Variants in AKAP6 observed in about 807,000 individuals in gnomAD.
AKAP6 encodes the protein A-kinase anchoring protein 6.
In AKAP6, 58 loss-of-function variants were observed where a neutral mutation model predicts 188.5. That is an observed-to-expected ratio of 0.31 (90% CI 0.25 to 0.38). The LOEUF is 0.38. Among genes scored for constraint, AKAP6 ranks in the 10% least tolerant of loss-of-function variants. The pLI is 1.00. For missense variants in AKAP6, 2,710 were observed against 2,740.0 expected (o/e 0.99, Z 0.24); for synonymous variants, 989 against 998.6 (o/e 0.99, Z 0.18).
chr14:32,448,024 T>C (rs1295063815), intron 2 of AKAP6, among the ~76,000 whole-genome samples: 1 of 152,226 alleles, frequency 6.6e-6, no homozygotes, highest in Admixed American at 6.5e-5. Context: ...AAAGGTCCTT[T>C]TTCAGGGAAG....
chr14:32,553,549 TACTC>T (rs1327159141), intron 4 of AKAP6, among the ~76,000 whole-genome samples: 1 of 152,170 alleles, frequency 6.6e-6, no homozygotes, highest in African/African-American at 2.4e-5. Flanking sequence ...CATTTAAAAA[TACTC>T]AGTAAATCCC....
At chr14:32,610,174 A>G (rs927822345) in intron 7 of AKAP6, among the ~76,000 whole-genome samples, 1 of 152,104 alleles carries the variant, frequency 6.6e-6, no homozygotes, top group Non-Finnish European at 1.5e-5. Context: ...TTTACTGACA[A>G]AAAAACTTAG....
intron 12 of AKAP6, among the ~76,000 whole-genome samples, chr14:32,789,906 G>A (rs543351430): frequency 6.6e-6 from 1 of 152,260 alleles, no homozygotes; most frequent in South Asian, 2.1e-4. Context: ...TCAGGAGGTG[G>A]GTAATAATGA....
chr14:32,795,344 T>C (rs1001764670), intron 12 of AKAP6, among the ~76,000 whole-genome samples: 1 of 152,100 alleles, frequency 6.6e-6, no homozygotes, highest in Non-Finnish European at 1.5e-5. Flanking sequence ...AAAGAAAACT[T>C]CAGGCTAATA....
At chr14:32,475,678 CT>C (rs11156748) in intron 2 of AKAP6, among the ~76,000 whole-genome samples, 51,501 of 123,146 alleles carry the variant, frequency 0.42, 10,054 homozygotes, top group African/African-American at 0.63. Context: ...ATTTTCAGCT[CT>C]TTTTTTTTTT....
At chr14:32,700,788 A>G (rs2139713020) in intron 9 of AKAP6, among the ~76,000 whole-genome samples, 1 of 152,282 alleles carries the variant, frequency 6.6e-6, no homozygotes, top group East Asian at 1.9e-4. Flanking sequence ...CACAGTGACA[A>G]AATCATGAAA....
intron 1 of AKAP6, chr14:32,385,159 G>C (rs1159453669): frequency 1.3e-5 from 2 of 151,126 alleles, no homozygotes; most frequent in Admixed American, 6.6e-5. Flanking sequence ...AAAAAAAAAG[G>C]GTAGATGTAA....
intron 7 of AKAP6, among the ~76,000 whole-genome samples, chr14:32,622,685 T>C (rs1473710683): frequency 6.6e-6 from 1 of 152,148 alleles, no homozygotes; most frequent in Non-Finnish European, 1.5e-5. Flanking sequence ...TAAACTCATA[T>C]AGTTGCTGTC....
At chr14:32,490,589 AT>A (rs1486938500) in intron 2 of AKAP6, among the ~76,000 whole-genome samples, 1 of 151,916 alleles carries the variant, frequency 6.6e-6, no homozygotes, top group Non-Finnish European at 1.5e-5. Flanking sequence ...GAAAGCCTAA[AT>A]TTTTACCAGG....
In AKAP6 at chr14:32,551,972, C is replaced by T. The variant is rs555136516; in HGVS notation, c.2346+4973C>T. Among the ~76,000 whole-genome samples the T allele has an allele frequency of 5.3e-5, 8 of 152,122 alleles. No individual in the cohort carries two copies. The East Asian group carries it at 1.5e-3, about 29-fold the overall frequency. On this transcript the variant is annotated intron_variant, in intron 4 of 13. Coordinates refer to ENST00000280979, the MANE Select transcript of AKAP6 (RefSeq NM_004274.5). ...TGAGCCACCACGCCCGGCCTACATT[C>T]TGTAATTTTATATAATTTTCTAATG...
At chr14:32,656,236 C>G (rs918974986) in intron 7 of AKAP6, among the ~76,000 whole-genome samples, 2 of 151,998 alleles carry the variant, frequency 1.3e-5, no homozygotes, top group African/African-American at 4.8e-5. Flanking sequence ...TTTTATGTGA[C>G]TTTTATTATC....
At chr14:32,467,219 AAAC>A (rs1163397178) in intron 2 of AKAP6, among the ~76,000 whole-genome samples, 80 of 127,924 alleles carry the variant, frequency 6.3e-4, no homozygotes, top group Admixed American at 9.8e-4. Context: ...AAGGAAAAAA[AAAC>A]AAAAACAAAA....
At chr14:32,722,384 C>T (rs993216761) in intron 9 of AKAP6, among the ~76,000 whole-genome samples, 17 of 152,052 alleles carry the variant, frequency 1.1e-4, no homozygotes, top group African/African-American at 3.9e-4. Flanking sequence ...AATCATGTTT[C>T]CTTTCAATAT....
At chr14:32,689,709 T>G (rs1397586033) in intron 8 of AKAP6, among the ~76,000 whole-genome samples, 1 of 152,150 alleles carries the variant, frequency 6.6e-6, no homozygotes, top group East Asian at 1.9e-4. Flanking sequence ...GGCACCACTA[T>G]TATATCTCCC....
chr14:32,344,952 A>G (rs1249611405), intron 1 of AKAP6, among the ~76,000 whole-genome samples: 1 of 151,302 alleles, frequency 6.6e-6, no homozygotes, highest in Non-Finnish European at 1.5e-5. Context: ...GAGAGTATAT[A>G]TAAGCAGAAT....
At chr14:32,618,334 C>G (rs910160518) in intron 7 of AKAP6, among the ~76,000 whole-genome samples, 13 of 152,106 alleles carry the variant, frequency 8.5e-5, no homozygotes, top group African/African-American at 3.1e-4. Flanking sequence ...TTCTTTTATC[C>G]TTCTCCTTCG....
rs1883220921 is a variant in AKAP6, at chr14:32,546,788, T to C, written c.2135T>C (p.Ile712Thr). The C allele has an allele frequency of 6.2e-7, 1 of 1,613,976 alleles. No individual in the cohort carries two copies. Among genetic ancestry groups the C allele is most frequent in the African/African-American group, 1.3e-5 (1 of 74,892 alleles). Residue 712 changes from isoleucine (I) to threonine (T), a missense_variant, in exon 4 of 14, where the codon ATT becomes ACT. Physicochemically the swap from Ile to Thr is moderately conservative, Grantham distance 89. Coordinates refer to ENST00000280979, the MANE Select transcript of AKAP6 (RefSeq NM_004274.5). ...ATAGCCTCTTCACTAGGGGAGAGCA[T>C]TGAATCTGGGCCCCTGAGTGACATT... ...SDIASSLGESIESGPLSDILS... is the reference protein window; with the variant it reads ...SDIASSLGESTESGPLSDILS...
chr14:32,798,074 A>C (rs933732649), intron 12 of AKAP6, among the ~76,000 whole-genome samples: 1 of 152,144 alleles, frequency 6.6e-6, no homozygotes, highest in Non-Finnish European at 1.5e-5. Flanking sequence ...CTTTTAAAAA[A>C]TGAGCAAAGG....
intron 2 of AKAP6, among the ~76,000 whole-genome samples, chr14:32,515,502 G>A (rs531823843): frequency 4.6e-5 from 7 of 152,108 alleles, no homozygotes; most frequent in Non-Finnish European, 1.0e-4. Context: ...AAACTTCTGG[G>A]TAACTAAAGC....
Sources: gnomAD v4.1 joint callset for allele counts (sites outside exome capture counted in the v4.1 genomes callset) on GRCh38, gnomAD v4.1.1 for gene constraint, MANE v1.5 for transcripts, NCBI Gene and HGNC (gene_info 2026-07-23, HGNC 2026-07-21) for gene names.